Variants in PCSK5 observed in about 807,000 individuals in gnomAD.
The protein encoded by PCSK5 is prohormone convertase 5.
A neutral mutation model predicts 233.2 loss-of-function variants in PCSK5; 129 were observed. The observed-to-expected ratio is 0.55, with a 90% CI of 0.48 to 0.64. PCSK5 has a LOEUF of 0.64. PCSK5 is among the 30% of genes least tolerant of loss of function. PCSK5 has a pLI of 0.00. For synonymous variants in PCSK5, 825 were observed against 879.2 expected (o/e 0.94, Z 1.09); for missense variants, 2,076 against 2,430.1 (o/e 0.85, Z 3.06).
At chr9:76,221,967 G>T (rs1257668928) in intron 20 of PCSK5, among the ~76,000 whole-genome samples, 2 of 152,186 alleles carry the variant, frequency 1.3e-5, no homozygotes, top group Non-Finnish European at 2.9e-5. Context: ...AGGGCAAGTT[G>T]TCCTTGAGAG....
intron 36 of PCSK5, among the ~76,000 whole-genome samples, chr9:76,351,452 GAAA>G (rs1564196486): frequency 0.18 from 4,476 of 24,968 alleles, 978 homozygotes; most frequent in Middle Eastern, 0.23. Context: ...AGAAAGGAAA[GAAA>G]GAAAGAAAGA....
intron 7 of PCSK5, among the ~76,000 whole-genome samples, chr9:76,086,014 T>C (rs1201473004): frequency 2.0e-5 from 3 of 152,210 alleles, no homozygotes; most frequent in Non-Finnish European, 2.9e-5. Context: ...ATTTTACCCC[T>C]TCCATATACA....
chr9:76,224,367 C>G (rs1825817185), intron 20 of PCSK5, among the ~76,000 whole-genome samples: 2 of 151,184 alleles, frequency 1.3e-5, no homozygotes, highest in Non-Finnish European at 2.9e-5. Context: ...CTTTTGGAGA[C>G]AGAAGATAAG....
chr9:76,167,410 AT>A (rs964693108), intron 12 of PCSK5, among the ~76,000 whole-genome samples: 1 of 152,134 alleles, frequency 6.6e-6, no homozygotes, highest in African/African-American at 2.4e-5. Flanking sequence ...CCTTTCCCAA[AT>A]TTTTTGACCA....
chr9:76,331,000 C>G (rs949594926), intron 33 of PCSK5, among the ~76,000 whole-genome samples: 1 of 152,090 alleles, frequency 6.6e-6, no homozygotes, highest in African/African-American at 2.4e-5. Flanking sequence ...AGTGGTCTTC[C>G]CCTCATCCGA....
chr9:75,950,916 A>G (rs944971046), intron 2 of PCSK5, among the ~76,000 whole-genome samples: 17 of 152,240 alleles, frequency 1.1e-4, no homozygotes, highest in African/African-American at 3.9e-4. Flanking sequence ...GAATGCATCT[A>G]TTTAGTTGCT....
chr9:76,332,609 G>A lies in PCSK5; in HGVS notation c.4747G>A (p.Gly1583Arg). 2 of 1,571,496 alleles carry A rather than the reference G, an allele frequency of 1.3e-6. No homozygotes were observed. Among genetic ancestry groups the A allele is most frequent in the South Asian group, 1.2e-5 (1 of 86,770 alleles). The change falls in exon 34 of 38, where the codon GGA (glycine) becomes AGA (arginine). Residue 1583 changes from glycine (G) to arginine (R), a missense_variant and splice_region_variant. Transcript: ENST00000674117. The stretch of plus-strand genomic sequence containing the variant: ...AGAGTGCCTGCTCCAGTGCAGGGAA[G>A]GGTAAGTGCTCAATACATTTTCCCC... ...GKECLLQCREGYYADNSTGRC... is the reference protein window; with the variant it reads ...GKECLLQCRERYYADNSTGRC...
intron 24 of PCSK5, among the ~76,000 whole-genome samples, chr9:76,290,376 T>G (rs1828240654): frequency 6.6e-6 from 1 of 152,190 alleles, no homozygotes; most frequent in South Asian, 2.1e-4. Flanking sequence ...TTCCACCTAA[T>G]TAGCCTGGTT....
chr9:76,282,115 C>T (rs145616908), intron 24 of PCSK5, among the ~76,000 whole-genome samples: 27 of 33,886 alleles, frequency 8.0e-4, no homozygotes, highest in South Asian at 2.2e-3. Context: ...CCATTCTTTT[C>T]TTTGCTTTTT....
At chr9:75,942,882 CTTCTTT>C (rs1824379404) in intron 2 of PCSK5, among the ~76,000 whole-genome samples, 5 of 112,950 alleles carry the variant, frequency 4.4e-5, no homozygotes, top group Non-Finnish European at 8.9e-5. Flanking sequence ...TTTTCTTCTT[CTTCTTT>C]TTTTTTTTTT....
rs201332532 is a variant in PCSK5 at position 76,332,058 on chromosome 9, T to C, written c.4571-375T>C. ...GATACATGAGCTGGACAATGAGCCA[T>C]TGCCAACATCCACAGGCGCCGGACT... is the stretch of plus-strand genomic sequence containing the variant. On this transcript the variant is annotated intron_variant, in intron 33 of 37. Transcript: ENST00000674117. Among the ~76,000 whole-genome samples, 364 of 152,290 alleles carry C rather than the reference T, an allele frequency of 2.4e-3. 3 individuals carry two copies. Among genetic ancestry groups the C allele is most frequent in the African/African-American group, 8.4e-3 (349 of 41,564 alleles).
intron 8 of PCSK5, among the ~76,000 whole-genome samples, chr9:76,098,330 G>A (rs34951991): frequency 0.11 from 16,363 of 152,176 alleles, 1,153 homozygotes; most frequent in East Asian, 0.23. Flanking sequence ...AAATATAAAA[G>A]GCAAAAATGC....
chr9:75,971,201 GTGTT>G (rs1452976818), intron 2 of PCSK5, among the ~76,000 whole-genome samples: 2 of 151,176 alleles, frequency 1.3e-5, no homozygotes, highest in Admixed American at 6.6e-5. Context: ...TTCTGTTCCC[GTGTT>G]TGTTTGCTGA....
At position 76,095,958 on chromosome 9, in the gene PCSK5, C is replaced by T. The variant is rs775959565; in HGVS notation, c.963C>T (p.Cys321=). 1.1e-5 allele frequency: 17 copies of T among 1,613,314 alleles called. No individual in the cohort carries two copies. In the South Asian group the frequency reaches 1.8e-4, roughly 17 times the overall value. Residue 321 remains cysteine, a synonymous_variant, in exon 8 of 38, where the codon TGC becomes TGT. Coordinates refer to ENST00000674117, the MANE Select transcript of PCSK5 (RefSeq NM_001372043.1). ...ATGGTGGAAGGAGCAAAGACCACTG[C>T]TCCTGTGATGGCTACACCAACAGCA... ...SGNGGRSKDH[C]SCDGYTNSIY...
At chr9:76,008,524 C>T (rs1827581439) in intron 3 of PCSK5, among the ~76,000 whole-genome samples, 1 of 151,660 alleles carries the variant, frequency 6.6e-6, no homozygotes, top group Non-Finnish European at 1.5e-5. Flanking sequence ...TGCAGTGGCG[C>T]AATCTTGGCT....
intron 24 of PCSK5, among the ~76,000 whole-genome samples, chr9:76,257,063 AC>A (rs1251571097): frequency 6.6e-6 from 1 of 152,084 alleles, no homozygotes; most frequent in Non-Finnish European, 1.5e-5. Context: ...CTCTACGTTC[AC>A]CCTTTTTCTG....
At chr9:76,342,918 C>A (rs912911549) in intron 35 of PCSK5, among the ~76,000 whole-genome samples, 1 of 152,146 alleles carries the variant, frequency 6.6e-6, no homozygotes, top group Admixed American at 6.6e-5. Context: ...GCCAAACCTA[C>A]CCCTTAAATA....
intron 7 of PCSK5, among the ~76,000 whole-genome samples, chr9:76,072,178 T>C (rs1282527519): frequency 6.6e-6 from 1 of 152,220 alleles, no homozygotes; most frequent in Non-Finnish European, 1.5e-5. Context: ...TAATCTTGCA[T>C]TTGGAGAAAT....
chr9:76,041,843 G>GGAA (rs1554677386), intron 5 of PCSK5, among the ~76,000 whole-genome samples: 20 of 131,040 alleles, frequency 1.5e-4, no homozygotes, highest in Non-Finnish European at 1.7e-4. Context: ...TGTCTCAAGG[G>GGAA]AAAAAAAAAA....
Sources: allele counts gnomAD v4.1 joint callset (sites outside exome capture counted in the v4.1 genomes callset), GRCh38; gene constraint gnomAD v4.1.1; transcripts MANE v1.5; gene names NCBI Gene and HGNC (gene_info 2026-07-23, HGNC 2026-07-21).